The following TCERG1L variants were observed in gnomAD, a reference collection of about 807,000 sequenced individuals.
The protein encoded by TCERG1L is transcription elongation regulator 1 like, also known as transcription elongation regulator 1-like protein.
TCERG1L carries 37 observed loss-of-function variants against 56.3 expected under a neutral mutation model. The observed-to-expected ratio is 0.66, with a 90% CI of 0.51 to 0.87. The LOEUF (loss-of-function observed/expected upper bound fraction) is 0.87. TCERG1L is among the 40% of genes least tolerant of loss of function. TCERG1L has a pLI of 0.00. For synonymous variants in TCERG1L, 324 were observed against 326.3 expected, an observed-to-expected ratio of 0.99 and a Z score of 0.08; for missense variants, 799 against 774.2, an observed-to-expected ratio of 1.03 and a Z score of -0.38.
chr10:131,219,444 G>A (rs988829432), intron 4 of TCERG1L, among the ~76,000 whole-genome samples: 4 of 152,236 alleles, frequency 2.6e-5, no homozygotes, highest in Admixed American at 2.6e-4. Context: ...AGGCTCTGGG[G>A]ATGCCAGGCT....
At chr10:131,162,297 C>T in intron 6 of TCERG1L, 1 of 152,434 alleles carries the variant, frequency 6.6e-6, no homozygotes, top group Non-Finnish European at 1.5e-5. Context: ...AGGCTGGAGG[C>T]ACCAGGAGCC....
chr10:131,226,003 T>A (rs1054641896), intron 4 of TCERG1L, among the ~76,000 whole-genome samples: 2 of 152,204 alleles, frequency 1.3e-5, no homozygotes, highest in South Asian at 4.2e-4. Context: ...AGTGGTGCCA[T>A]CATGGCTCAC....
intron 3 of TCERG1L, among the ~76,000 whole-genome samples, chr10:131,297,875 T>G (rs10765064): frequency 0.43 from 64,960 of 151,870 alleles, 14,747 homozygotes; most frequent in East Asian, 0.6. Flanking sequence ...TCCTATTGCA[T>G]GGTTAGTGTT....
intron 6 of TCERG1L, 117 bp from the exon 7 acceptor site, chr10:131,146,777 CT>C: frequency 1.7e-6 from 2 of 1,186,300 alleles, no homozygotes; most frequent in East Asian, 4.9e-5. Flanking sequence ...ATTTGCAAAG[CT>C]TGTTTATGGA....
At chr10:131,226,865 G>C (rs186505109) in intron 4 of TCERG1L, among the ~76,000 whole-genome samples, 1 of 152,220 alleles carries the variant, frequency 6.6e-6, no homozygotes, top group Admixed American at 6.5e-5. Flanking sequence ...GGAGGAAAAC[G>C]AAGTATCCTG....
chr10:131,266,851 G>T (rs1471487540), intron 3 of TCERG1L, among the ~76,000 whole-genome samples: 1 of 152,122 alleles, frequency 6.6e-6, no homozygotes, highest in Non-Finnish European at 1.5e-5. Flanking sequence ...TCTGCAGCTG[G>T]TCATCCTGGC....
At chr10:131,265,516 C>G (rs1846276121) in intron 3 of TCERG1L, among the ~76,000 whole-genome samples, 2 of 152,270 alleles carry the variant, frequency 1.3e-5, no homozygotes, top group South Asian at 4.2e-4. Context: ...GGGTGAAGTT[C>G]AGTCATGATA....
rs1475533123 is a variant in TCERG1L at position 131,197,897 on chromosome 10, ATGTTT to A, written c.857-31017_857-31013del. Among the ~76,000 whole-genome samples the A allele has an allele frequency of 5.9e-5, 9 of 152,198 alleles. No individual in the cohort carries two copies. The East Asian group carries it at 1.7e-3, about 29-fold the overall frequency. On this transcript the variant is annotated intron_variant, in intron 4 of 11. Transcript: ENST00000368642. ...ATAATCTTTAGACCAAATTCCTGTT[ATGTTT>A]TGAATTATTTTTGCTCTTACATTTT...
At chr10:131,280,476 G>A (rs995804027) in intron 3 of TCERG1L, among the ~76,000 whole-genome samples, 5 of 151,834 alleles carry the variant, frequency 3.3e-5, no homozygotes, top group Non-Finnish European at 5.9e-5. Context: ...GAGAGGAATG[G>A]TTGCATTCTT....
chr10:131,197,484 C>T (rs1360185210), intron 4 of TCERG1L, among the ~76,000 whole-genome samples: 3 of 145,292 alleles, frequency 2.1e-5, no homozygotes, highest in Non-Finnish European at 4.5e-5. Context: ...CACACCTGGC[C>T]TTTCTCCTCC....
intron 4 of TCERG1L, among the ~76,000 whole-genome samples, chr10:131,191,782 G>A (rs1184526537): frequency 2.3e-5 from 3 of 127,912 alleles, no homozygotes; most frequent in East Asian, 2.2e-4. Context: ...GGAGAATAGC[G>A]TGAACCCTGG....
At chr10:131,130,915 C>CG (rs1473990451) in intron 8 of TCERG1L, among the ~76,000 whole-genome samples, 1 of 152,034 alleles carries the variant, frequency 6.6e-6, no homozygotes. Flanking sequence ...ATCAACCCCC[C>CG]GGCAAACCCT....
In TCERG1L at chr10:131,166,800, G is replaced by A. The variant is rs763220316; in HGVS notation, c.942C>T (p.Asp314=). 1 of 1,613,958 alleles carries A rather than the reference G, an allele frequency of 6.2e-7. No individual in the cohort carries two copies. The highest frequency in any genetic ancestry group is 1.1e-5 in the South Asian group (1 of 91,076). ...AQKSRDGDKE[D]KEPPPMLGGG... ...ACACACGAGCCCCGAAACTGACCTT[G>A]TCTTCTTTGTCTCCATCCCGGCTCT... is the stretch of plus-strand genomic sequence containing the variant. The change falls in exon 5 of 12, where the codon GAC becomes GAT. Residue 314 remains aspartate (D), a synonymous_variant. Transcript: ENST00000368642.
chr10:131,094,346 C>G (rs953319823), intron 11 of TCERG1L, among the ~76,000 whole-genome samples: 1 of 152,204 alleles, frequency 6.6e-6, no homozygotes, highest in East Asian at 1.9e-4. Flanking sequence ...TCTTCTTATT[C>G]CCTCCCACTT....
At chr10:131,287,646 G>T (rs75514290) in intron 3 of TCERG1L, among the ~76,000 whole-genome samples, 3,150 of 152,260 alleles carry the variant, frequency 0.021, 78 homozygotes, top group East Asian at 0.087. Flanking sequence ...TTCCAAGCCA[G>T]TGTCCACCTC....
At chr10:131,257,002 AAAG>A (rs1846177447) in intron 4 of TCERG1L, among the ~76,000 whole-genome samples, 22 of 115,918 alleles carry the variant, frequency 1.9e-4, no homozygotes, top group African/African-American at 7.0e-4. Context: ...GGAAAGAAAG[AAAG>A]AAAGAAAGAA....
chr10:131,157,706 C>A (rs12572011), intron 6 of TCERG1L, among the ~76,000 whole-genome samples: 3,880 of 152,328 alleles, frequency 0.025, 203 homozygotes, highest in East Asian at 0.24. Context: ...ATTCAAGTTT[C>A]ATTGCAACTG....
chr10:131,174,578 G>A (rs1021831680), intron 4 of TCERG1L, among the ~76,000 whole-genome samples: 1 of 152,180 alleles, frequency 6.6e-6, no homozygotes, highest in Non-Finnish European at 1.5e-5. Context: ...AGATCCCACA[G>A]CACCTCGTTG....
chr10:131,282,137 G>GA lies in TCERG1L; in HGVS notation c.671-21694dup, dbSNP rs543405432. Among the ~76,000 whole-genome samples the GA allele has an allele frequency of 2.6e-3, 237 of 92,470 alleles. 1 individual carries two copies. The highest frequency in any genetic ancestry group is 3.2e-3 in the African/African-American group (73 of 22,550). The allele number at this position is 92,470 out of a possible 152,430, so 60.7% of individuals were successfully genotyped here. ...GGCGAAAGAGCAAGACTCCATCTCA[G>GA]AAAAAAAAAAAAAAAAAAAAAAAAG... On this transcript the variant is annotated intron_variant, in intron 3 of 11. Transcript: ENST00000368642.
Sources: gnomAD v4.1 joint callset for allele counts (sites outside exome capture counted in the v4.1 genomes callset) on GRCh38, gnomAD v4.1.1 for gene constraint, MANE v1.5 for transcripts, NCBI Gene and HGNC (gene_info 2026-07-23, HGNC 2026-07-21) for gene names.